The following AKAP8 variants were observed in gnomAD, a reference collection of about 807,000 sequenced individuals.
The protein encoded by AKAP8 is A-kinase anchoring protein 8, also known as A-kinase anchor protein 8.
In AKAP8, 24 loss-of-function variants were observed where a neutral mutation model predicts 67.5. The ratio of observed to expected loss-of-function variants is 0.36; its 90% CI spans 0.26 to 0.50. The LOEUF is 0.50. Among genes scored for constraint, AKAP8 ranks in the 20% least tolerant of loss-of-function variants. AKAP8 has a pLI of 0.97. For missense variants in AKAP8, 971 were observed against 955.9 expected, an observed-to-expected ratio of 1.02 and a Z score of -0.21; for synonymous variants, 400 against 371.1, an observed-to-expected ratio of 1.08 and a Z score of -0.90.
At chr19:15,361,708 C>A in intron 11 of AKAP8, 21 bp downstream of exon 11, 4 of 1,595,246 alleles carry the variant, frequency 2.5e-6, no homozygotes, top group Non-Finnish European at 3.4e-6. Context: ...GGAAAGCACT[C>A]ATCCTGGGAT....
rs764727382 is a variant in AKAP8 at position 15,374,635 on chromosome 19, C to A, written c.59G>T (p.Gly20Val). The change falls in exon 3 of 14, where the codon GGT becomes GTT. Residue 20 changes from glycine (G) to valine (V), a missense_variant and splice_region_variant. Around this residue, in one of 3 missense-constraint regions of AKAP8, gnomAD observed 763 missense variants for 745.4 expected, o/e 1.02. Coordinates refer to ENST00000269701, the MANE Select transcript of AKAP8 (RefSeq NM_005858.4). Reference sequence around the variant, plus strand: ...GCTGGCCACACCAGTTCCATATGCACCTTAGGGGAAACAGAAACACACAAG... The same window carrying A: ...GCTGGCCACACCAGTTCCATATGCAACTTAGGGGAAACAGAAACACACAAG... ...AWSAGPANTQ[G>V]AYGTGVASWQ... 1 of 1,613,490 alleles carries A rather than the reference C, an allele frequency of 6.2e-7. No individual in the cohort carries two copies. The highest frequency in any genetic ancestry group is 8.5e-7 in the Non-Finnish European group (1 of 1,179,700).
At chr19:15,366,108 T>A (rs1412442453) in intron 9 of AKAP8, among the ~76,000 whole-genome samples, 10 of 63,522 alleles carry the variant, frequency 1.6e-4, no homozygotes, top group East Asian at 8.0e-4. Flanking sequence ...TTAAAAAAAG[T>A]CACCTGTTCA....
chr19:15,358,905 C>T (rs1389032433), intron 13 of AKAP8, 62 bp downstream of exon 13: 2 of 1,476,206 alleles, frequency 1.4e-6, no homozygotes, highest in Non-Finnish European at 1.9e-6. Context: ...CAACTCCCTG[C>T]TCCTGGGGTT....
rs1005579727 is a variant in AKAP8, at chr19:15,371,979, G to A, written c.1011C>T (p.Phe337=). The A allele has an allele frequency of 1.2e-6, 2 of 1,614,124 alleles. No individual in the cohort carries two copies. Among genetic ancestry groups the A allele is most frequent in the Non-Finnish European group, 8.5e-7 (1 of 1,180,024 alleles). The change falls in exon 7 of 14, where the codon TTC becomes TTT. Residue 337 remains phenylalanine (F), a synonymous_variant. Transcript: ENST00000269701. ...CCTTGAATTCTTCATCTCCTGAGCG[G>A]AAGTCACCAGCTGCGTCATCTGCCA... ...FSENDDAAGD[F]RSGDEEFKGE...
chr19:15,357,377 C>T (rs967782138), intron 13 of AKAP8, among the ~76,000 whole-genome samples: 3 of 132,310 alleles, frequency 2.3e-5, no homozygotes, highest in African/African-American at 5.7e-5. Context: ...TGCAGTGAGC[C>T]GGGATCGCAC....
At chr19:15,362,037 C>T in intron 10 of AKAP8, 73 bp downstream of exon 10, 1 of 1,576,740 alleles carries the variant, frequency 6.3e-7, no homozygotes, top group East Asian at 2.2e-5. Context: ...TCTGATTTCC[C>T]TTCCTCCTTC....
chr19:15,376,920 T>C, intron 2 of AKAP8, 56 bp downstream of exon 2: 1 of 1,584,294 alleles, frequency 6.3e-7, no homozygotes, highest in South Asian at 1.2e-5. Flanking sequence ...TCTGCCATGC[T>C]AGGGCCTTGA....
chr19:15,361,207 G>C (rs1966959212), intron 11 of AKAP8, among the ~76,000 whole-genome samples: 1 of 152,158 alleles, frequency 6.6e-6, no homozygotes, highest in African/African-American at 2.4e-5. Flanking sequence ...AGGAGGAAAA[G>C]ATATGAAAGT....
chr19:15,376,895 T>C (rs1298529674), intron 2 of AKAP8, 81 bp downstream of exon 2: 1 of 1,533,556 alleles, frequency 6.5e-7, no homozygotes, highest in Admixed American at 1.9e-5. Flanking sequence ...TACTCTCCCT[T>C]GACCCAAGTT....
chr19:15,357,925 C>T (rs1229283389), intron 13 of AKAP8, among the ~76,000 whole-genome samples: 3 of 151,900 alleles, frequency 2.0e-5, no homozygotes, highest in Non-Finnish European at 2.9e-5. Flanking sequence ...CAAAGTGATC[C>T]GCCCACCCCA....
chr19:15,377,599 G>A (rs1165896252), intron 1 of AKAP8, among the ~76,000 whole-genome samples: 3 of 152,184 alleles, frequency 2.0e-5, no homozygotes, highest in Non-Finnish European at 4.4e-5. Context: ...CTCCCGAGTA[G>A]CTGGGACTAC....
intron 5 of AKAP8, 119 bp from the exon 6 acceptor site, chr19:15,372,466 CAA>C (rs1172096187): frequency 1.5e-6 from 2 of 1,353,402 alleles, no homozygotes; most frequent in Non-Finnish European, 2.0e-6. Flanking sequence ...TTTCAAAAAG[CAA>C]AGAGACAACA....
chr19:15,358,742 G>A (rs1020916424), intron 13 of AKAP8, among the ~76,000 whole-genome samples: 10 of 152,038 alleles, frequency 6.6e-5, no homozygotes, highest in Non-Finnish European at 1.0e-4. Flanking sequence ...AATCCATTAC[G>A]CACTGATTAA....
intron 9 of AKAP8, among the ~76,000 whole-genome samples, chr19:15,368,012 C>T (rs898531764): frequency 3.3e-5 from 5 of 152,256 alleles, no homozygotes; most frequent in Non-Finnish European, 7.3e-5. Context: ...ACCACCAAAG[C>T]AACGTCCCAG....
chr19:15,361,645 C>A (rs1012068463), intron 11 of AKAP8, 84 bp downstream of exon 11: 1 of 1,278,384 alleles, frequency 7.8e-7, no homozygotes, highest in Non-Finnish European at 1.1e-6. Flanking sequence ...AGCCACCGTG[C>A]CCGGCCTCGT....
intron 7 of AKAP8, 144 bp from the exon 8 acceptor site, chr19:15,370,323 T>C (rs1465667493): frequency 3.4e-6 from 3 of 874,270 alleles, no homozygotes; most frequent in Non-Finnish European, 5.5e-6. Context: ...CACAGTGTGT[T>C]AGGACCAGCC....
chr19:15,358,380 G>T (rs1966912651), intron 13 of AKAP8, among the ~76,000 whole-genome samples: 1 of 151,114 alleles, frequency 6.6e-6, no homozygotes, highest in African/African-American at 2.4e-5. Context: ...TTTGAAATGG[G>T]GTCTCACTCT....
At chr19:15,377,098 T>G in intron 1 of AKAP8, 84 bp from the exon 2 acceptor site, 5 of 1,485,458 alleles carry the variant, frequency 3.4e-6, no homozygotes, top group Non-Finnish European at 4.6e-6. Context: ...AGGGATCTCC[T>G]TACAGTTCAG....
At position 15,355,373 on chromosome 19, in the gene AKAP8, G is replaced by A. The variant is rs199554386; in HGVS notation, c.1624-3C>T. 1.2e-6 allele frequency: 2 copies of A among 1,609,172 alleles called. No individual in the cohort carries two copies. The highest frequency in any genetic ancestry group is 3.3e-5 in the Admixed American group (2 of 59,808). ...TCACTGGTGAAAGGGTCCTCACCCTGGCCAAAGAGGAAACACCGGTCAGCG... is the reference window on the plus strand; with the variant it reads ...TCACTGGTGAAAGGGTCCTCACCCTAGCCAAAGAGGAAACACCGGTCAGCG... On this transcript the variant is annotated splice_region_variant and splice_polypyrimidine_tract_variant and intron_variant, in intron 13 of 13. Coordinates refer to ENST00000269701, the MANE Select transcript of AKAP8 (RefSeq NM_005858.4).
Sources: gnomAD v4.1 joint callset for allele counts (sites outside exome capture counted in the v4.1 genomes callset) on GRCh38, gnomAD v4.1.1 for gene constraint, gnomAD v4.1.1 regional missense constraint, MANE v1.5 for transcripts, NCBI Gene and HGNC (gene_info 2026-07-23, HGNC 2026-07-21) for gene names.